DNAAF9: variants seen among roughly 807,000 people sequenced by gnomAD.
The protein encoded by DNAAF9 is shulin.
In DNAAF9, 90 loss-of-function variants were observed where a neutral mutation model predicts 167.0. The observed-to-expected ratio is 0.54, with a 90% confidence interval of 0.45 to 0.64. The LOEUF is 0.64. Ranked by LOEUF, DNAAF9 falls within the 30% of genes least tolerant of loss-of-function variation. The pLI, the probability that DNAAF9 is intolerant of heterozygous loss-of-function variation, is 0.00. For synonymous variants in DNAAF9, 491 were observed against 508.8 expected (o/e 0.96, Z 0.47); for missense variants, 1,315 against 1,442.2 (o/e 0.91, Z 1.43).
chr20:3,353,624 T>TCC (rs2083244019), intron 7 of DNAAF9, among the ~76,000 whole-genome samples: 1 of 51,948 alleles, frequency 1.9e-5, no homozygotes, highest in African/African-American at 9.1e-5. Context: ...TGAGACCCTG[T>TCC]CCCCCCGCAC....
At chr20:3,368,678 AATTTTTGT>A (rs1322602953) in intron 6 of DNAAF9, among the ~76,000 whole-genome samples, 2 of 151,438 alleles carry the variant, frequency 1.3e-5, no homozygotes, top group African/African-American at 4.9e-5. Context: ...AAGCCCGGCT[AATTTTTGT>A]ATTTTTTTTT....
chr20:3,312,157 T>A (rs1363014500), intron 20 of DNAAF9, among the ~76,000 whole-genome samples: 1 of 151,938 alleles, frequency 6.6e-6, no homozygotes, highest in African/African-American at 2.4e-5. Flanking sequence ...CCTGGCTAAT[T>A]TTGTAGTGTT....
At chr20:3,307,246 A>G in intron 20 of DNAAF9, 3 of 624,360 alleles carry the variant, frequency 4.8e-6, no homozygotes, top group Non-Finnish European at 6.0e-6. Flanking sequence ...GGAAGAGCTC[A>G]TTATGGGGCA....
chr20:3,369,478 G>A (rs989509815), intron 6 of DNAAF9, among the ~76,000 whole-genome samples: 1 of 151,858 alleles, frequency 6.6e-6, no homozygotes, highest in African/African-American at 2.4e-5. Flanking sequence ...CTGGGTTTAA[G>A]CAATTCTCCT....
chr20:3,362,288 A>G, intron 6 of DNAAF9: 1 of 1,193,418 alleles, frequency 8.4e-7, no homozygotes, highest in South Asian at 1.3e-5. Flanking sequence ...TGGAAATTGC[A>G]AGGGACTTTT....
intron 8 of DNAAF9, among the ~76,000 whole-genome samples, chr20:3,346,400 C>A (rs76264718): frequency 1.3e-5 from 2 of 152,064 alleles, no homozygotes; most frequent in Non-Finnish European, 2.9e-5. Context: ...TTAGAAACAA[C>A]CTCATTATGT....
chr20:3,346,227 C>A (rs1033034359), intron 8 of DNAAF9, among the ~76,000 whole-genome samples: 1 of 152,170 alleles, frequency 6.6e-6, no homozygotes, highest in Admixed American at 6.5e-5. Flanking sequence ...CAAACTGGTA[C>A]AACCCTTCTG....
intron 12 of DNAAF9, 103 bp downstream of exon 12, chr20:3,330,543 A>C (rs1233286600): frequency 1.3e-6 from 1 of 742,942 alleles, no homozygotes; most frequent in Non-Finnish European, 2.3e-6. Context: ...ACCCAGCAAA[A>C]GCAGATGTCT....
intron 7 of DNAAF9, among the ~76,000 whole-genome samples, chr20:3,352,178 T>C (rs2070338130): frequency 6.6e-6 from 1 of 152,240 alleles, no homozygotes; most frequent in African/African-American, 2.4e-5. Flanking sequence ...TCTCAACTTA[T>C]TTTTACATAG....
rs2083758666 is a variant in DNAAF9 at position 3,387,420 on chromosome 20, T to A, written c.84-4914A>T. The stretch of plus-strand genomic sequence containing the variant: ...CAATAAGAATAGTCTTTCAAACAAG[T>A]GGTGCTGGGAAAACTAGATATCTAA... On this transcript the variant is annotated intron_variant, in intron 1 of 36. Transcript: ENST00000252032. 2.0e-5 allele frequency among the ~76,000 whole-genome samples: 3 copies of A among 152,094 alleles called. No individual in the cohort carries two copies. The South Asian group carries it at 6.2e-4, about 32-fold the overall frequency.
intron 20 of DNAAF9, chr20:3,307,147 G>A (rs1336535466): frequency 6.1e-6 from 6 of 984,482 alleles, no homozygotes; most frequent in Admixed American, 6.1e-5. Flanking sequence ...AAGGATGAGC[G>A]AGGTCATCTC....
At chr20:3,378,350 C>T (rs900089778) in intron 3 of DNAAF9, among the ~76,000 whole-genome samples, 2 of 152,130 alleles carry the variant, frequency 1.3e-5, no homozygotes, top group African/African-American at 4.8e-5. Context: ...CAGTGGTGAG[C>T]TTTGTACGCA....
At chr20:3,294,293 C>T (rs1333104526) in intron 24 of DNAAF9, 37 bp from the exon 25 acceptor site, 4 of 1,358,804 alleles carry the variant, frequency 2.9e-6, no homozygotes, top group Admixed American at 3.5e-5. Context: ...TGTTACCATC[C>T]TAGCCTGTCC....
At chr20:3,291,354 T>G (rs926412406) in intron 25 of DNAAF9, among the ~76,000 whole-genome samples, 5 of 150,710 alleles carry the variant, frequency 3.3e-5, no homozygotes, top group Non-Finnish European at 7.4e-5. Flanking sequence ...TGTTTTTTTT[T>G]TTTTTTTTGA....
chr20:3,260,264 G>A (rs989355127), intron 31 of DNAAF9, among the ~76,000 whole-genome samples: 1 of 152,030 alleles, frequency 6.6e-6, no homozygotes, highest in Non-Finnish European at 1.5e-5. Context: ...GCGTGAACCC[G>A]GGAAGCGGAG....
At position 3,261,792 on chromosome 20, in the gene DNAAF9, C is replaced by T. The variant is rs536051658; in HGVS notation, c.2874-1764G>A. On this transcript the variant is annotated intron_variant, in intron 31 of 36. Coordinates refer to ENST00000252032, the MANE Select transcript of DNAAF9 (RefSeq NM_001009984.3). ...TTTTGCAAGACTGACCTGTCTTCTCCCCATCCAAACAAGTCATTTTGGAGA... is the reference window on the plus strand; with the variant it reads ...TTTTGCAAGACTGACCTGTCTTCTCTCCATCCAAACAAGTCATTTTGGAGA... 5.9e-5 allele frequency among the ~76,000 whole-genome samples: 9 copies of T among 151,514 alleles called. 1 individual carries two copies. Among genetic ancestry groups the T allele is most frequent in the Non-Finnish European group, 1.2e-4 (8 of 67,936 alleles).
intron 7 of DNAAF9, among the ~76,000 whole-genome samples, chr20:3,354,545 G>C (rs2083259821): frequency 1.3e-5 from 2 of 152,298 alleles, no homozygotes; most frequent in South Asian, 4.1e-4. Context: ...ATACCAGTGA[G>C]GGCAAAGCAG....
intron 15 of DNAAF9, among the ~76,000 whole-genome samples, 193 bp downstream of exon 15, chr20:3,322,459 C>T (rs1036966441): frequency 2.0e-5 from 3 of 152,186 alleles, no homozygotes; most frequent in Non-Finnish European, 4.4e-5. Context: ...CCCACCTCTG[C>T]CCCTCAGCTC....
chr20:3,254,073 T>TTTTA (rs891604462), intron 35 of DNAAF9, among the ~76,000 whole-genome samples: 2 of 152,084 alleles, frequency 1.3e-5, no homozygotes, highest in Admixed American at 1.3e-4. Flanking sequence ...AAACACACTC[T>TTTTA]TTTATTTATT....
Sources: allele counts gnomAD v4.1 joint callset (sites outside exome capture counted in the v4.1 genomes callset), GRCh38; gene constraint gnomAD v4.1.1; transcripts MANE v1.5; gene names NCBI Gene and HGNC (gene_info 2026-07-23, HGNC 2026-07-21).